Variants in LRRC4C observed in about 807,000 individuals in gnomAD.
LRRC4C encodes the protein leucine rich repeat containing 4C, also known as leucine-rich repeat-containing protein 4C.
A neutral mutation model predicts 33.6 loss-of-function variants in LRRC4C; 5 were observed. The observed-to-expected ratio is 0.15, with a 90% confidence interval of 0.08 to 0.31. The LOEUF (loss-of-function observed/expected upper bound fraction) is 0.31. Among genes scored for constraint, LRRC4C ranks in the 10% least tolerant of loss-of-function variants. LRRC4C has a pLI of 1.00. For synonymous variants in LRRC4C, 329 were observed against 302.0 expected (o/e 1.09, Z -0.93); for missense variants, 560 against 796.7 (o/e 0.70, Z 3.58).
At chr11:40,494,436 T>A (rs1299059032) in intron 3 of LRRC4C, among the ~76,000 whole-genome samples, 1 of 152,146 alleles carries the variant, frequency 6.6e-6, no homozygotes, top group Non-Finnish European at 1.5e-5. Flanking sequence ...AGATAGAGAA[T>A]AGTGATTATT....
intron 2 of LRRC4C, among the ~76,000 whole-genome samples, chr11:40,928,385 T>C (rs1200611598): frequency 6.6e-6 from 1 of 151,870 alleles, no homozygotes; most frequent in African/African-American, 2.4e-5. Flanking sequence ...AGGCACATCA[T>C]GAGATGGAGT....
chr11:41,228,285 A>G (rs1947632595), intron 1 of LRRC4C, among the ~76,000 whole-genome samples: 1 of 152,132 alleles, frequency 6.6e-6, no homozygotes, highest in South Asian at 2.1e-4. Flanking sequence ...ATAGAGAGAG[A>G]GAGAGATAGA....
chr11:40,623,365 G>A (rs952144672), intron 3 of LRRC4C, among the ~76,000 whole-genome samples: 2 of 151,970 alleles, frequency 1.3e-5, no homozygotes, highest in African/African-American at 4.8e-5. Context: ...GCTATTTTAA[G>A]TTCTAAAGAT....
chr11:41,043,352 C>T (rs1289311655), intron 1 of LRRC4C, among the ~76,000 whole-genome samples: 1 of 152,016 alleles, frequency 6.6e-6, no homozygotes, highest in African/African-American at 2.4e-5. Context: ...ACTTCCTTGT[C>T]CTCTCAGATG....
intron 3 of LRRC4C, among the ~76,000 whole-genome samples, chr11:40,335,379 T>C (rs1565285117): frequency 6.6e-6 from 1 of 152,232 alleles, no homozygotes; most frequent in Non-Finnish European, 1.5e-5. Context: ...TCCTCTCTTA[T>C]TGAGATGTAA....
At chr11:41,229,645 T>A (rs747606324) in intron 1 of LRRC4C, among the ~76,000 whole-genome samples, 1 of 152,122 alleles carries the variant, frequency 6.6e-6, no homozygotes, top group Non-Finnish European at 1.5e-5. Flanking sequence ...TCATTTTAAA[T>A]GATGGCTGGT....
At chr11:40,530,699 AAG>A (rs1956237882) in intron 3 of LRRC4C, among the ~76,000 whole-genome samples, 1 of 152,308 alleles carries the variant, frequency 6.6e-6, no homozygotes, top group African/African-American at 2.4e-5. Context: ...GATGCTGTGG[AAG>A]ACACAGCCAT....
At chr11:40,922,447 C>T (rs16935141) in intron 2 of LRRC4C, among the ~76,000 whole-genome samples, 9,024 of 152,184 alleles carry the variant, frequency 0.059, 388 homozygotes, top group Admixed American at 0.15. Context: ...AATAAAGTTG[C>T]TGTTGGTTAA....
chr11:40,816,019 C>T (rs1330678917), intron 2 of LRRC4C, among the ~76,000 whole-genome samples: 2 of 152,126 alleles, frequency 1.3e-5, no homozygotes, highest in Non-Finnish European at 2.9e-5. Flanking sequence ...AAGAGGACTT[C>T]CCCCCAGTTT....
At chr11:40,784,251 G>A (rs775468977) in intron 2 of LRRC4C, among the ~76,000 whole-genome samples, 15 of 152,106 alleles carry the variant, frequency 9.9e-5, no homozygotes, top group Non-Finnish European at 2.1e-4. Flanking sequence ...CTGAGCAATT[G>A]GCAAGCAGTC....
At position 40,735,125 on chromosome 11, in the gene LRRC4C, C is replaced by T. The variant is rs994803195; in HGVS notation, c.-406-86847G>A. Among the ~76,000 whole-genome samples the T allele has an allele frequency of 2.0e-5, 3 of 152,088 alleles. No homozygotes were observed. The South Asian group carries it at 6.2e-4, about 32-fold the overall frequency. ...GCATTTGGCCTTGTACCTAGAATTA[C>T]ATAATTAGCTTCTCTTTTTCGTTTT... On this transcript the variant is annotated intron_variant, in intron 2 of 6. Transcript: ENST00000528697.
intron 3 of LRRC4C, among the ~76,000 whole-genome samples, chr11:40,539,113 G>A: frequency 6.6e-6 from 1 of 152,024 alleles, no homozygotes; most frequent in Non-Finnish European, 1.5e-5. Context: ...TTTTTCAGTG[G>A]TCATATTGAT....
At chr11:40,575,124 C>G (rs1170735386) in intron 3 of LRRC4C, among the ~76,000 whole-genome samples, 1 of 152,052 alleles carries the variant, frequency 6.6e-6, no homozygotes, top group African/African-American at 2.4e-5. Flanking sequence ...CTTACCAGTA[C>G]TATGATAGAA....
chr11:41,416,982 A>T (rs1178406537), intron 1 of LRRC4C, among the ~76,000 whole-genome samples: 4 of 152,060 alleles, frequency 2.6e-5, no homozygotes, highest in African/African-American at 9.7e-5. Context: ...AGGATTCCTA[A>T]TTCCAGATGG....
chr11:40,448,822 ATACTGTCTTCCACAATAGTTGAACTAATT>A (rs938923967), intron 3 of LRRC4C, among the ~76,000 whole-genome samples: 2 of 152,338 alleles, frequency 1.3e-5, no homozygotes, highest in Non-Finnish European at 2.9e-5. Context: ...AGGAATTGCC[ATACTGTCTTCCACAATAGTTGAACTAATT>A]TACACTCACA....
intron 2 of LRRC4C, among the ~76,000 whole-genome samples, chr11:40,713,211 T>G (rs1041849942): frequency 2.6e-5 from 4 of 152,112 alleles, no homozygotes; most frequent in African/African-American, 9.7e-5. Context: ...CTTTTAAAGT[T>G]CTGATCTAAT....
intron 5 of LRRC4C, among the ~76,000 whole-genome samples, chr11:40,185,087 G>A (rs1474611565): frequency 6.6e-6 from 1 of 152,204 alleles, no homozygotes; most frequent in East Asian, 1.9e-4. Context: ...GCTGAGTACA[G>A]CAATGGGACA....
At chr11:40,727,261 C>T (rs546158606) in intron 2 of LRRC4C, among the ~76,000 whole-genome samples, 1 of 152,172 alleles carries the variant, frequency 6.6e-6, no homozygotes. Context: ...GAAATAAAGC[C>T]ACATACCTAC....
At chr11:40,875,307 C>T (rs2135970442) in intron 2 of LRRC4C, among the ~76,000 whole-genome samples, 1 of 152,238 alleles carries the variant, frequency 6.6e-6, no homozygotes, top group East Asian at 1.9e-4. Flanking sequence ...AAAAGTTATA[C>T]TTCTGATCTA....
Sources: allele counts gnomAD v4.1 joint callset (sites outside exome capture counted in the v4.1 genomes callset), GRCh38; gene constraint gnomAD v4.1.1; transcripts MANE v1.5; gene names NCBI Gene and HGNC (gene_info 2026-07-23, HGNC 2026-07-21).